The following EPHA4 variants were observed in gnomAD, a reference collection of about 807,000 sequenced individuals.
EPHA4 encodes the protein EPH receptor A4.
EPHA4 carries 19 observed loss-of-function variants against 108.3 expected under a neutral mutation model. That is an observed-to-expected ratio of 0.18 (90% CI 0.12 to 0.26). The LOEUF (loss-of-function observed/expected upper bound fraction) is 0.26. EPHA4 is among the 10% of genes least tolerant of loss of function. EPHA4 has a pLI of 1.00. For synonymous variants in EPHA4, 449 were observed against 455.5 expected (o/e 0.99, Z 0.18); for missense variants, 917 against 1,254.0 (o/e 0.73, Z 4.06).
chr2:221,517,315 A>G (rs1693017853), intron 3 of EPHA4, among the ~76,000 whole-genome samples: 1 of 152,194 alleles, frequency 6.6e-6, no homozygotes. Flanking sequence ...GATGCTAGGA[A>G]ATGTTGCAAG....
In EPHA4 at chr2:221,542,466, T is replaced by C. The variant is rs561131374; in HGVS notation, c.823+21265A>G. Among the ~76,000 whole-genome samples, 3 of 152,316 alleles carry C rather than the reference T, an allele frequency of 2.0e-5. No homozygotes were observed. The East Asian group carries it at 5.8e-4, about 29-fold the overall frequency. Reference sequence around the variant, plus strand: ...ATAAAGAAAGGGAATTAGGCAACTCTACAAGGATTTGAACTCCTGGTTCTG... The same window carrying C: ...ATAAAGAAAGGGAATTAGGCAACTCCACAAGGATTTGAACTCCTGGTTCTG... On this transcript the variant is annotated intron_variant, in intron 3 of 17. Coordinates refer to ENST00000281821, the MANE Select transcript of EPHA4 (RefSeq NM_004438.5).
intron 15 of EPHA4, among the ~76,000 whole-genome samples, chr2:221,427,905 A>G (rs1689960281): frequency 6.6e-6 from 1 of 152,174 alleles, no homozygotes; most frequent in Admixed American, 6.5e-5. Flanking sequence ...GATTTGTTTT[A>G]TCAGTCAGTT....
intron 3 of EPHA4, among the ~76,000 whole-genome samples, chr2:221,509,080 C>A (rs2710501): frequency 1.3e-5 from 2 of 152,112 alleles, no homozygotes; most frequent in African/African-American, 4.8e-5. Context: ...TGTAATCCCA[C>A]CACTTTGGGA....
At chr2:221,565,330 C>A (rs1460604533) in intron 2 of EPHA4, among the ~76,000 whole-genome samples, 4 of 152,142 alleles carry the variant, frequency 2.6e-5, no homozygotes, top group African/African-American at 9.7e-5. Context: ...GTCATTATAG[C>A]TTTTAAAAAT....
chr2:221,435,854 T>C (rs1303818791), intron 13 of EPHA4, among the ~76,000 whole-genome samples: 1 of 151,024 alleles, frequency 6.6e-6, no homozygotes. Flanking sequence ...GCCAACCAAC[T>C]AGAAACATTG....
At chr2:221,487,950 T>G (rs1431938414) in intron 4 of EPHA4, among the ~76,000 whole-genome samples, 2 of 152,088 alleles carry the variant, frequency 1.3e-5, no homozygotes, top group Non-Finnish European at 2.9e-5. Flanking sequence ...GAAATAGAAG[T>G]CAAATGCAAT....
chr2:221,457,060 G>T (rs751667629), intron 6 of EPHA4, among the ~76,000 whole-genome samples: 8 of 152,022 alleles, frequency 5.3e-5, no homozygotes, highest in Non-Finnish European at 2.9e-5. Flanking sequence ...ATGGTTGGTG[G>T]CTTTTCTAGT....
chr2:221,457,161 A>G (rs1443677860), intron 6 of EPHA4, among the ~76,000 whole-genome samples: 1 of 152,206 alleles, frequency 6.6e-6, no homozygotes, highest in Non-Finnish European at 1.5e-5. Context: ...GTGTTGTAAC[A>G]TGGTTTCAAT....
intron 5 of EPHA4, among the ~76,000 whole-genome samples, chr2:221,478,994 C>A (rs1345620560): frequency 6.6e-6 from 1 of 152,164 alleles, no homozygotes; most frequent in Non-Finnish European, 1.5e-5. Context: ...CCCCCTAAGA[C>A]CCCAGGAGTA....
chr2:221,526,823 A>T (rs1312913430), intron 3 of EPHA4, among the ~76,000 whole-genome samples: 1 of 130,854 alleles, frequency 7.6e-6, no homozygotes, highest in Non-Finnish European at 1.6e-5. Context: ...ATTGCATTCC[A>T]GCCTGGGCAA....
At chr2:221,528,214 C>T (rs1310085478) in intron 3 of EPHA4, among the ~76,000 whole-genome samples, 1 of 152,130 alleles carries the variant, frequency 6.6e-6, no homozygotes, top group Non-Finnish European at 1.5e-5. Flanking sequence ...AACATATTAG[C>T]ATTGTGGGAG....
At chr2:221,562,944 G>A (rs1292427039) in intron 3 of EPHA4, among the ~76,000 whole-genome samples, 3 of 152,122 alleles carry the variant, frequency 2.0e-5, no homozygotes, top group Non-Finnish European at 4.4e-5. Context: ...TAGTAATATG[G>A]TAAGTAGTAA....
chr2:221,539,891 G>A (rs1386879638), intron 3 of EPHA4, among the ~76,000 whole-genome samples: 1 of 152,076 alleles, frequency 6.6e-6, no homozygotes. Flanking sequence ...CTTGGCACTT[G>A]TGCATCTTTA....
chr2:221,457,740 G>A, intron 6 of EPHA4, 126 bp downstream of exon 6: 2 of 1,050,468 alleles, frequency 1.9e-6, no homozygotes, highest in South Asian at 1.7e-5. Context: ...AGGATGGGAA[G>A]GAGTCGAGGA....
At chr2:221,507,937 G>A (rs1692681674) in intron 3 of EPHA4, among the ~76,000 whole-genome samples, 1 of 152,116 alleles carries the variant, frequency 6.6e-6, no homozygotes, top group Non-Finnish European at 1.5e-5. Context: ...GTATCAGAAT[G>A]ACCTTAACAA....
At chr2:221,553,615 T>C (rs1694223366) in intron 3 of EPHA4, among the ~76,000 whole-genome samples, 2 of 152,214 alleles carry the variant, frequency 1.3e-5, no homozygotes, top group Admixed American at 6.5e-5. Context: ...AACATTTGGC[T>C]TGGGCACAGG....
At chr2:221,509,971 G>A (rs1365676147) in intron 3 of EPHA4, among the ~76,000 whole-genome samples, 1 of 152,120 alleles carries the variant, frequency 6.6e-6, no homozygotes, top group African/African-American at 2.4e-5. Flanking sequence ...CATCTGTAGG[G>A]CTGAAATGAT....
Position 221,482,652 on chromosome 2 carries a change from T to A in EPHA4, c.1018A>T (p.Asn340Tyr). The A allele has an allele frequency of 6.2e-7, 1 of 1,602,164 alleles. No individual in the cohort carries two copies. The highest frequency in any genetic ancestry group is 8.5e-7 in the Non-Finnish European group (1 of 1,169,880). ...CATTCCAAGTTCACAGATGTCTCGTTGACATTTGAAATCAAGTTCAGGGGA... is the reference window on the plus strand; with the variant it reads ...CATTCCAAGTTCACAGATGTCTCGTAGACATTTGAAATCAAGTTCAGGGGA... The part of the protein sequence containing the change: ...SAPLNLISNV[N>Y]ETSVNLEWSS... Residue 340 changes from asparagine (N) to tyrosine (Y), a missense_variant, in exon 5 of 18, where the codon AAC becomes TAC. Asn to Tyr is a moderately radical substitution (Grantham distance 143, BLOSUM62 -2). Transcript: ENST00000281821.
chr2:221,478,202 C>T (rs1013002150), intron 5 of EPHA4, among the ~76,000 whole-genome samples: 4 of 150,120 alleles, frequency 2.7e-5, no homozygotes, highest in African/African-American at 9.7e-5. Context: ...CTGCTGGCTG[C>T]CATCACAGCC....
Sources: gnomAD v4.1 joint callset for allele counts (sites outside exome capture counted in the v4.1 genomes callset) on GRCh38, gnomAD v4.1.1 for gene constraint, MANE v1.5 for transcripts, NCBI Gene and HGNC (gene_info 2026-07-23, HGNC 2026-07-21) for gene names.